Variants in CSMD2 observed in about 807,000 individuals in gnomAD.
The protein encoded by CSMD2 is CUB and Sushi multiple domains 2.
A neutral mutation model predicts 398.5 loss-of-function variants in CSMD2; 130 were observed. The observed-to-expected ratio is 0.33, with a 90% CI of 0.28 to 0.38. CSMD2 has a LOEUF of 0.38. Among genes scored for constraint, CSMD2 ranks in the 10% least tolerant of loss-of-function variants. The pLI is 1.00. For synonymous variants in CSMD2, 1,828 were observed against 1,908.5 expected, an observed-to-expected ratio of 0.96 and a Z score of 1.10; for missense variants, 3,829 against 4,764.9, an observed-to-expected ratio of 0.80 and a Z score of 5.78.
At position 33,525,089 on chromosome 1, in the gene CSMD2, G is replaced by A. The variant is rs1315719966; in HGVS notation, c.10235-46C>T. 3 of 1,598,178 alleles carry A rather than the reference G, an allele frequency of 1.9e-6. No homozygotes were observed. In the African/African-American group the frequency reaches 4.0e-5, roughly 21 times the overall value. On this transcript the variant is annotated intron_variant, in intron 65 of 70. Transcript: ENST00000373381. ...ATGTGAGAGGGACTTTGTGTGTGCT[G>A]CCAGAATTGGGGTAGCCTGATGACT...
Position 33,810,840 on chromosome 1 carries a change from C to T in CSMD2, c.1349G>A (p.Arg450Gln), listed in dbSNP as rs767977412. Residue 450 changes from arginine to glutamine, a missense_variant, in exon 10 of 71, where the codon CGA (arginine) becomes CAA (glutamine). This residue lies in a region of CSMD2 where 2,001 missense variants were observed against 2,567.1 expected (regional missense o/e 0.78). Transcript: ENST00000373381. The stretch of plus-strand genomic sequence containing the variant: ...GGAGGTGATGATGCCCGAGGGGCCT[C>T]GAAGGTGGGCATCACACATGCGGGC... ...CRARMCDAHL[R>Q]GPSGIITSPN... The T allele has an allele frequency of 3.7e-6, 6 of 1,612,002 alleles. No homozygotes were observed. Among genetic ancestry groups the T allele is most frequent in the East Asian group, 2.2e-5 (1 of 44,656 alleles).
intron 41 of CSMD2, chr1:33,605,856 A>AAGG (rs1427101833): frequency 6.2e-7 from 1 of 1,604,698 alleles, no homozygotes; most frequent in Non-Finnish European, 8.5e-7. Flanking sequence ...TGCTTATCTC[A>AAGG]TTGAACCTTC....
chr1:33,892,859 T>C (rs1035065095), intron 5 of CSMD2, among the ~76,000 whole-genome samples: 2 of 152,202 alleles, frequency 1.3e-5, no homozygotes, highest in Non-Finnish European at 2.9e-5. Context: ...CTGAGTCTGG[T>C]TGGGTGACTT....
At chr1:34,149,744 C>T (rs1384845685) in intron 1 of CSMD2, among the ~76,000 whole-genome samples, 1 of 152,230 alleles carries the variant, frequency 6.6e-6, no homozygotes, top group Non-Finnish European at 1.5e-5. Context: ...CAAATCTGGT[C>T]AGCCTGGTGA....
chr1:33,751,090 C>T (rs1648172701), intron 13 of CSMD2, among the ~76,000 whole-genome samples: 1 of 151,394 alleles, frequency 6.6e-6, no homozygotes, highest in Non-Finnish European at 1.5e-5. Context: ...GAAATATTGG[C>T]CAAGGAAATT....
At chr1:33,921,848 T>A (rs566480036) in intron 4 of CSMD2, among the ~76,000 whole-genome samples, 2 of 152,216 alleles carry the variant, frequency 1.3e-5, no homozygotes, top group African/African-American at 4.8e-5. Context: ...TAGTAATGGA[T>A]GAAAGATATG....
intron 1 of CSMD2, among the ~76,000 whole-genome samples, chr1:34,116,130 A>C (rs970545848): frequency 3.3e-5 from 5 of 152,076 alleles, no homozygotes; most frequent in African/African-American, 1.2e-4. Flanking sequence ...TAAATGGATT[A>C]AACTCAGCAA....
intron 6 of CSMD2, among the ~76,000 whole-genome samples, chr1:33,828,570 G>A (rs1659087781): frequency 1.3e-5 from 2 of 152,182 alleles, no homozygotes; most frequent in Non-Finnish European, 2.9e-5. Context: ...CACCACAGAG[G>A]CCATTCCCAG....
At chr1:33,960,464 T>C (rs1466452252) in intron 3 of CSMD2, among the ~76,000 whole-genome samples, 1 of 152,232 alleles carries the variant, frequency 6.6e-6, no homozygotes, top group Non-Finnish European at 1.5e-5. Flanking sequence ...TTCAATAATT[T>C]ATTTTATAAC....
chr1:33,743,626 G>A lies in CSMD2; in HGVS notation c.1847-20C>T. On this transcript the variant is annotated intron_variant, in intron 13 of 70. Coordinates refer to ENST00000373381, the MANE Select transcript of CSMD2 (RefSeq NM_001281956.2). ...AGGAGACTGCAAGAGAAGAGCAGTG[G>A]AGGTCAGTAAGCATCCCCAACATTC... 2 of 1,549,990 alleles carry A rather than the reference G, an allele frequency of 1.3e-6. No individual in the cohort carries two copies. The highest frequency in any genetic ancestry group is 8.8e-7 in the Non-Finnish European group (1 of 1,139,962).
rs572324249 is a variant in CSMD2, at chr1:34,106,562, A to C, written c.188-17369T>G. Among the ~76,000 whole-genome samples, 5 of 151,760 alleles carry C rather than the reference A, an allele frequency of 3.3e-5. No homozygotes were observed. The East Asian group carries it at 9.8e-4, about 30-fold the overall frequency. ...CCCTCTGCCAGGCTGCAAATATTTC[A>C]CACACATCATCTCAGGACATACTCT... On this transcript the variant is annotated intron_variant, in intron 1 of 70. Transcript: ENST00000373381.
At chr1:33,550,419 A>G in intron 55 of CSMD2, 69 bp from the exon 56 acceptor site, 1 of 1,486,648 alleles carries the variant, frequency 6.7e-7, no homozygotes, top group Non-Finnish European at 9.2e-7. Context: ...AATCCATGCT[A>G]GGCTTCTTTA....
intron 2 of CSMD2, among the ~76,000 whole-genome samples, chr1:34,062,069 C>T (rs1308768875): frequency 1.3e-5 from 2 of 152,164 alleles, no homozygotes; most frequent in African/African-American, 4.8e-5. Flanking sequence ...TGCTGGCTTC[C>T]CCTCTGATGG....
intron 1 of CSMD2, among the ~76,000 whole-genome samples, chr1:34,138,453 T>C (rs551113022): frequency 3.2e-4 from 49 of 152,362 alleles, no homozygotes; most frequent in African/African-American, 1.1e-3. Flanking sequence ...TCTCCATCTG[T>C]AAAACGGAGG....
chr1:33,638,694 G>A (rs1642942258), intron 29 of CSMD2, among the ~76,000 whole-genome samples: 1 of 152,108 alleles, frequency 6.6e-6, no homozygotes. Context: ...TGCTAGCTTT[G>A]CTCCAACGAC....
At chr1:33,983,777 C>T (rs1646252877) in intron 3 of CSMD2, among the ~76,000 whole-genome samples, 2 of 152,100 alleles carry the variant, frequency 1.3e-5, no homozygotes, top group Non-Finnish European at 2.9e-5. Flanking sequence ...GGCAGCCTGC[C>T]TCCCTGAAGC....
intron 19 of CSMD2, among the ~76,000 whole-genome samples, chr1:33,718,751 A>ATT (rs200064884): frequency 1.3e-5 from 2 of 152,214 alleles, no homozygotes; most frequent in African/African-American, 4.8e-5. Flanking sequence ...TTACTGCTAC[A>ATT]TTTTTTATAA....
At chr1:33,818,621 G>A (rs1433412763) in intron 9 of CSMD2, among the ~76,000 whole-genome samples, 1 of 152,180 alleles carries the variant, frequency 6.6e-6, no homozygotes, top group Admixed American at 6.5e-5. Flanking sequence ...TAGTAGCTAT[G>A]TAGAATCCTT....
In CSMD2 at chr1:33,625,180, A is replaced by G; in HGVS notation, c.5371T>C (p.Phe1791Leu). 1 of 1,613,918 alleles carries G rather than the reference A, an allele frequency of 6.2e-7. No individual in the cohort carries two copies. The highest frequency in any genetic ancestry group is 8.5e-7 in the Non-Finnish European group (1 of 1,179,966). The change falls in exon 34 of 71, where the codon TTC becomes CTC. Residue 1791 changes from phenylalanine to leucine, a missense_variant. Transcript: ENST00000373381. ...PRYGKRLGSD[F>L]SVGAIVRFEC... The stretch of plus-strand genomic sequence containing the variant: ...AAGCGGACGATGGCCCCCACCGAGA[A>G]GTCACTGCCCAGCCTCTTGCCATAG...
Sources: gnomAD v4.1 joint callset for allele counts (sites outside exome capture counted in the v4.1 genomes callset) on GRCh38, gnomAD v4.1.1 for gene constraint, gnomAD v4.1.1 regional missense constraint, MANE v1.5 for transcripts, NCBI Gene and HGNC (gene_info 2026-07-23, HGNC 2026-07-21) for gene names.